KCNT2: variants seen among roughly 807,000 people sequenced by gnomAD.
KCNT2 encodes the protein potassium channel subfamily T member 2.
KCNT2 carries 67 observed loss-of-function variants against 153.8 expected under a neutral mutation model. The observed-to-expected ratio is 0.44, with a 90% confidence interval of 0.36 to 0.53. The LOEUF (loss-of-function observed/expected upper bound fraction) is 0.53. Among genes scored for constraint, KCNT2 ranks in the 20% least tolerant of loss-of-function variants. The pLI is 0.00. For synonymous variants in KCNT2, 500 were observed against 458.8 expected (o/e 1.09, Z -1.15); for missense variants, 975 against 1,354.8 (o/e 0.72, Z 4.40).
intron 26 of KCNT2, among the ~76,000 whole-genome samples, chr1:196,236,569 A>G (rs1466490335): frequency 6.6e-6 from 1 of 151,556 alleles, no homozygotes; most frequent in African/African-American, 2.4e-5. Context: ...GCTTCACTAC[A>G]TGACACATCT....
chr1:196,304,548 C>CTTT (rs201004432), intron 22 of KCNT2, among the ~76,000 whole-genome samples: 1 of 151,814 alleles, frequency 6.6e-6, no homozygotes, highest in Non-Finnish European at 1.5e-5. Flanking sequence ...AAGACTGGGT[C>CTTT]TTTTTTTTCC....
At chr1:196,468,223 T>C (rs1677781223) in intron 6 of KCNT2, among the ~76,000 whole-genome samples, 1 of 152,110 alleles carries the variant, frequency 6.6e-6, no homozygotes. Flanking sequence ...TATGTTCAAT[T>C]AGAATTATAT....
chr1:196,555,160 A>C (rs1425505837), intron 1 of KCNT2, among the ~76,000 whole-genome samples: 1 of 151,386 alleles, frequency 6.6e-6, no homozygotes, highest in Non-Finnish European at 1.5e-5. Flanking sequence ...AGGAGAAAGA[A>C]ATAAAGGGCA....
chr1:196,345,675 G>C (rs1666080925), intron 14 of KCNT2, among the ~76,000 whole-genome samples: 1 of 152,086 alleles, frequency 6.6e-6, no homozygotes, highest in Admixed American at 6.6e-5. Flanking sequence ...CCAGTGAGGG[G>C]ATTATTGCAA....
intron 25 of KCNT2, among the ~76,000 whole-genome samples, chr1:196,270,214 C>A (rs1196022552): frequency 1.3e-5 from 2 of 151,664 alleles, no homozygotes; most frequent in Admixed American, 6.6e-5. Flanking sequence ...ATGTCTTTAC[C>A]CATCTACTAT....
intron 1 of KCNT2, among the ~76,000 whole-genome samples, chr1:196,563,492 CAG>C (rs981522770): frequency 1.5e-5 from 2 of 130,034 alleles, no homozygotes; most frequent in Non-Finnish European, 3.4e-5. Flanking sequence ...TTCCAAAAAA[CAG>C]AAGAGCAAAT....
At chr1:196,234,263 C>G (rs768254494) in intron 27 of KCNT2, among the ~76,000 whole-genome samples, 2 of 147,322 alleles carry the variant, frequency 1.4e-5, no homozygotes, top group Non-Finnish European at 3.0e-5. Context: ...CATATCATCT[C>G]TTTTTTTTTT....
At chr1:196,423,158 T>G in intron 11 of KCNT2, 45 bp from the exon 12 acceptor site, 6 of 1,282,546 alleles carry the variant, frequency 4.7e-6, no homozygotes, top group Non-Finnish European at 6.7e-6. Context: ...CTGAAATATC[T>G]ACAGGTTTTC....
chr1:196,473,784 T>G (rs140000519), intron 5 of KCNT2, among the ~76,000 whole-genome samples: 1 of 151,930 alleles, frequency 6.6e-6, no homozygotes, highest in African/African-American at 2.4e-5. Context: ...CCAATAAGCA[T>G]AAATCACAAA....
At chr1:196,347,939 T>C (rs752079739) in intron 14 of KCNT2, among the ~76,000 whole-genome samples, 4 of 152,180 alleles carry the variant, frequency 2.6e-5, no homozygotes, top group East Asian at 1.9e-4. Context: ...TAATTCTTAA[T>C]ATCTTGCTTC....
intron 1 of KCNT2, among the ~76,000 whole-genome samples, chr1:196,604,981 T>C (rs185289763): frequency 7.9e-5 from 12 of 152,322 alleles, no homozygotes; most frequent in African/African-American, 2.2e-4. Context: ...AATACACATT[T>C]CCTACACCTA....
intron 1 of KCNT2, among the ~76,000 whole-genome samples, chr1:196,552,704 A>T (rs576599247): frequency 6.6e-6 from 1 of 151,646 alleles, no homozygotes; most frequent in South Asian, 2.1e-4. Context: ...AAAAATAATA[A>T]CTACAACTTT....
intron 3 of KCNT2, among the ~76,000 whole-genome samples, chr1:196,482,855 G>A (rs1572602615): frequency 6.6e-6 from 1 of 152,150 alleles, no homozygotes; most frequent in African/African-American, 2.4e-5. Context: ...AACATACCAT[G>A]GAAAACAGTA....
At chr1:196,377,317 G>A (rs909844980) in intron 13 of KCNT2, among the ~76,000 whole-genome samples, 16 of 151,770 alleles carry the variant, frequency 1.1e-4, no homozygotes, top group African/African-American at 3.1e-4. Context: ...TACATTTTCA[G>A]GTTTATCAGA....
intron 14 of KCNT2, among the ~76,000 whole-genome samples, chr1:196,344,238 C>T (rs1261369314): frequency 1.3e-5 from 2 of 152,150 alleles, no homozygotes; most frequent in Admixed American, 1.3e-4. Flanking sequence ...TAAATGTAAG[C>T]TGCCAATATT....
At chr1:196,338,192 T>G (rs1484638603) in intron 16 of KCNT2, among the ~76,000 whole-genome samples, 1 of 152,086 alleles carries the variant, frequency 6.6e-6, no homozygotes, top group African/African-American at 2.4e-5. Context: ...TAGAAGTCAT[T>G]ACTTAGGGAA....
chr1:196,499,082 A>G (rs770059642), intron 1 of KCNT2, among the ~76,000 whole-genome samples: 5 of 152,202 alleles, frequency 3.3e-5, no homozygotes, highest in Non-Finnish European at 5.9e-5. Context: ...CAGAAGGAAG[A>G]TGGTCATATG....
At chr1:196,603,104 C>A (rs957890671) in intron 1 of KCNT2, among the ~76,000 whole-genome samples, 1 of 152,032 alleles carries the variant, frequency 6.6e-6, no homozygotes, top group Non-Finnish European at 1.5e-5. Flanking sequence ...ATTTTTTATA[C>A]CATTATCTGT....
chr1:196,291,563 C>T (rs1239690046), intron 22 of KCNT2, among the ~76,000 whole-genome samples: 1 of 152,000 alleles, frequency 6.6e-6, no homozygotes, highest in Non-Finnish European at 1.5e-5. Flanking sequence ...ATGATTAATA[C>T]TTAGTATTTC....
Sources: allele counts gnomAD v4.1 joint callset (sites outside exome capture counted in the v4.1 genomes callset), GRCh38; gene constraint gnomAD v4.1.1; transcripts MANE v1.5; gene names NCBI Gene and HGNC (gene_info 2026-07-23, HGNC 2026-07-21).